The following GCH1 variants were observed in gnomAD, a reference collection of about 807,000 sequenced individuals.
GCH1 encodes the protein GTP cyclohydrolase I.
GCH1 carries 5 observed loss-of-function variants against 25.9 expected under a neutral mutation model. The observed-to-expected ratio is 0.19, with a 90% CI of 0.10 to 0.41. The LOEUF (loss-of-function observed/expected upper bound fraction) is 0.41. Ranked by LOEUF, GCH1 falls within the 10% of genes least tolerant of loss-of-function variation. GCH1 has a pLI of 1.00. For missense variants in GCH1, 261 were observed against 336.5 expected, an observed-to-expected ratio of 0.78 and a Z score of 1.75; for synonymous variants, 159 against 129.6, an observed-to-expected ratio of 1.23 and a Z score of -1.54.
At chr14:54,857,432 G>C (rs554674659) in intron 3 of GCH1, among the ~76,000 whole-genome samples, 2 of 152,292 alleles carry the variant, frequency 1.3e-5, no homozygotes, top group Admixed American at 1.3e-4. Flanking sequence ...AGAGAAGGCT[G>C]TTACATTAAG....
At position 54,843,762 on chromosome 14, in the gene GCH1, G is replaced by C. The variant is rs764546157; in HGVS notation, c.*255C>G. The C allele has an allele frequency of 9.3e-6, 15 of 1,613,928 alleles. No individual in the cohort carries two copies. Among genetic ancestry groups the C allele is most frequent in the Non-Finnish European group, 1.3e-5 (15 of 1,179,946 alleles). The stretch of plus-strand genomic sequence containing the variant: ...CAGGCCCCTCTGGTTATCTGGCAGT[G>C]GTTTTGTGCACGTACTTACACTATT... On this transcript the variant is annotated 3_prime_UTR_variant, in exon 6 of 6. Transcript: ENST00000491895.
chr14:54,851,091 C>T (rs1047015768), intron 3 of GCH1, among the ~76,000 whole-genome samples: 2 of 152,158 alleles, frequency 1.3e-5, no homozygotes, highest in African/African-American at 4.8e-5. Context: ...ACATCTACAG[C>T]CATCTGATCT....
At chr14:54,874,830 T>G (rs1221394478) in intron 1 of GCH1, among the ~76,000 whole-genome samples, 2 of 152,006 alleles carry the variant, frequency 1.3e-5, no homozygotes, top group East Asian at 3.9e-4. Context: ...CACTGCTCCA[T>G]AAAATAAAAG....
intron 1 of GCH1, among the ~76,000 whole-genome samples, chr14:54,875,811 C>G (rs2040151001): frequency 6.6e-6 from 1 of 152,188 alleles, no homozygotes; most frequent in Non-Finnish European, 1.5e-5. Flanking sequence ...CATCTTACAC[C>G]AGTTAGAATG....
At chr14:54,860,538 C>CTTTT (rs869140517) in intron 2 of GCH1, among the ~76,000 whole-genome samples, 5 of 134,184 alleles carry the variant, frequency 3.7e-5, no homozygotes, top group Admixed American at 1.5e-4. Flanking sequence ...CACCATCTTC[C>CTTTT]TTTTTTTTTT....
chr14:54,853,359 T>C (rs2039763315), intron 3 of GCH1, among the ~76,000 whole-genome samples: 1 of 152,228 alleles, frequency 6.6e-6, no homozygotes. Context: ...AATGTGTCTA[T>C]GAGTTCCTTT....
intron 2 of GCH1, among the ~76,000 whole-genome samples, chr14:54,862,399 T>C (rs1178810366): frequency 6.8e-6 from 1 of 147,622 alleles, no homozygotes; most frequent in East Asian, 2.0e-4. Context: ...TTTTTTTTTT[T>C]TTTGGACACG....
At chr14:54,864,999 T>C (rs1303973268) in intron 2 of GCH1, among the ~76,000 whole-genome samples, 1 of 146,482 alleles carries the variant, frequency 6.8e-6, no homozygotes, top group East Asian at 2.0e-4. Flanking sequence ...ATGCTAATAA[T>C]AAATAAATAA....
intron 1 of GCH1, among the ~76,000 whole-genome samples, chr14:54,897,819 G>A (rs2040509295): frequency 6.6e-6 from 1 of 152,176 alleles, no homozygotes; most frequent in Non-Finnish European, 1.5e-5. Context: ...GATGAACCAA[G>A]ACCATCCAAC....
intron 3 of GCH1, among the ~76,000 whole-genome samples, chr14:54,856,265 A>T (rs1320818562): frequency 1.3e-5 from 2 of 152,094 alleles, no homozygotes; most frequent in Non-Finnish European, 2.9e-5. Flanking sequence ...CTGAACTTGG[A>T]GCTACAGCAG....
At chr14:54,867,493 CAGG>C (rs886740025) in intron 1 of GCH1, among the ~76,000 whole-genome samples, 5 of 142,832 alleles carry the variant, frequency 3.5e-5, no homozygotes, top group African/African-American at 1.3e-4. Context: ...GGGGCTGAGA[CAGG>C]AGAATTGCTT....
At chr14:54,896,597 A>T (rs186277759) in intron 1 of GCH1, among the ~76,000 whole-genome samples, 28 of 152,218 alleles carry the variant, frequency 1.8e-4, no homozygotes, top group African/African-American at 6.3e-4. Flanking sequence ...ACACACACAC[A>T]ATTATGCCTA....
At chr14:54,899,002 C>T (rs1355079712) in intron 1 of GCH1, among the ~76,000 whole-genome samples, 2 of 152,008 alleles carry the variant, frequency 1.3e-5, no homozygotes, top group Admixed American at 6.5e-5. Flanking sequence ...CACAAACAAA[C>T]ACATTACTCT....
chr14:54,846,677 G>A (rs1026047900), intron 4 of GCH1, among the ~76,000 whole-genome samples: 1 of 152,224 alleles, frequency 6.6e-6, no homozygotes, highest in Non-Finnish European at 1.5e-5. Context: ...TGAAACAGTA[G>A]ACTTTTTATA....
chr14:54,878,481 C>T (rs1260543553), intron 1 of GCH1, among the ~76,000 whole-genome samples: 1 of 152,168 alleles, frequency 6.6e-6, no homozygotes, highest in African/African-American at 2.4e-5. Flanking sequence ...CAAAGATAAG[C>T]CTATCCTGAT....
At chr14:54,870,240 G>A (rs1037820912) in intron 1 of GCH1, among the ~76,000 whole-genome samples, 5 of 145,670 alleles carry the variant, frequency 3.4e-5, no homozygotes, top group Non-Finnish European at 6.0e-5. Context: ...GCTCACATCT[G>A]TAATTCTAGC....
At chr14:54,886,686 G>A (rs903283433) in intron 1 of GCH1, among the ~76,000 whole-genome samples, 1 of 152,208 alleles carries the variant, frequency 6.6e-6, no homozygotes, top group Non-Finnish European at 1.5e-5. Flanking sequence ...CTGTCATTTG[G>A]AAACACTAGC....
intron 1 of GCH1, among the ~76,000 whole-genome samples, chr14:54,888,003 T>C (rs1484360402): frequency 6.6e-6 from 1 of 152,212 alleles, no homozygotes; most frequent in Non-Finnish European, 1.5e-5. Context: ...CTTCAAGCAC[T>C]AGTAAAACTA....
At position 54,890,573 on chromosome 14, in the gene GCH1, G is replaced by A. The variant is rs1367357248; in HGVS notation, c.343+11748C>T. On this transcript the variant is annotated intron_variant, in intron 1 of 5. Coordinates refer to ENST00000491895, the MANE Select transcript of GCH1 (RefSeq NM_000161.3). ...TGTGTCAGGTTAAAATTCATTACAA[G>A]GGTTGACTATGGCCAGAATGAACTT... Among the ~76,000 whole-genome samples, 7 of 152,300 alleles carry A rather than the reference G, an allele frequency of 4.6e-5. No individual in the cohort carries two copies. The East Asian group carries it at 1.3e-3, about 29-fold the overall frequency.
Sources: allele counts gnomAD v4.1 joint callset (sites outside exome capture counted in the v4.1 genomes callset), GRCh38; gene constraint gnomAD v4.1.1; transcripts MANE v1.5; gene names NCBI Gene and HGNC (gene_info 2026-07-23, HGNC 2026-07-21).